CAMKMT: variants seen among roughly 807,000 people sequenced by gnomAD.
The protein encoded by CAMKMT is calmodulin-lysine N-methyltransferase, also known as CaM KMT.
In CAMKMT, 53 loss-of-function variants were observed where a neutral mutation model predicts 48.0. The ratio of observed to expected loss-of-function variants is 1.10; its 90% CI spans 0.89 to 1.39. The LOEUF is 1.39. Ranked by LOEUF, CAMKMT falls within the 40% of genes most tolerant of loss-of-function variation. CAMKMT has a pLI of 0.00. For missense variants in CAMKMT, 428 were observed against 402.7 expected (o/e 1.06, Z -0.54); for synonymous variants, 165 against 152.3 (o/e 1.08, Z -0.61).
chr2:44,654,276 T>C (rs1674247423), intron 3 of CAMKMT, among the ~76,000 whole-genome samples: 3 of 152,214 alleles, frequency 2.0e-5, no homozygotes, highest in Admixed American at 2.0e-4. Context: ...TAGAATTATA[T>C]AATTCATGAA....
chr2:44,388,015 G>T (rs1397384339), intron 2 of CAMKMT, among the ~76,000 whole-genome samples: 1 of 152,132 alleles, frequency 6.6e-6, no homozygotes, highest in Non-Finnish European at 1.5e-5. Context: ...CCTGGGTGAT[G>T]ATCCTTTTGT....
chr2:44,511,566 G>T (rs1670556335), intron 3 of CAMKMT, among the ~76,000 whole-genome samples: 1 of 152,222 alleles, frequency 6.6e-6, no homozygotes, highest in African/African-American at 2.4e-5. Flanking sequence ...TGGGATTACA[G>T]ATATGAGCCA....
intron 2 of CAMKMT, among the ~76,000 whole-genome samples, chr2:44,388,800 A>G (rs1164041585): frequency 2.0e-5 from 3 of 152,008 alleles, no homozygotes; most frequent in African/African-American, 4.8e-5. Flanking sequence ...CAGTGAGTCT[A>G]CCTGGCCCTG....
In CAMKMT at chr2:44,603,027, C is replaced by G. The variant is rs185848664; in HGVS notation, c.377-101256C>G. Among the ~76,000 whole-genome samples, 9 of 151,790 alleles carry G rather than the reference C, an allele frequency of 5.9e-5. No individual in the cohort carries two copies. The East Asian group carries it at 1.5e-3, about 26-fold the overall frequency. Reference sequence around the variant, plus strand: ...CAGAGTTCAGTATGTGCTTATGTACCCAACCTATATATACACACACACACA... The same window carrying G: ...CAGAGTTCAGTATGTGCTTATGTACGCAACCTATATATACACACACACACA... On this transcript the variant is annotated intron_variant, in intron 3 of 10. Coordinates refer to ENST00000378494, the MANE Select transcript of CAMKMT (RefSeq NM_024766.5).
At chr2:44,511,425 A>G (rs1670545720) in intron 3 of CAMKMT, among the ~76,000 whole-genome samples, 2 of 152,134 alleles carry the variant, frequency 1.3e-5, no homozygotes, top group African/African-American at 4.8e-5. Flanking sequence ...AGTAGCTGGG[A>G]CTACAGGTGT....
chr2:44,725,150 G>GTGTGTGTA (rs1163818150), intron 7 of CAMKMT, among the ~76,000 whole-genome samples: 27 of 147,074 alleles, frequency 1.8e-4, no homozygotes, highest in African/African-American at 7.2e-4. Context: ...GGACGTGTGT[G>GTGTGTGTA]TGTGTGTGTG....
chr2:44,440,828 T>A (rs1383459522), intron 3 of CAMKMT, among the ~76,000 whole-genome samples: 1 of 143,520 alleles, frequency 7.0e-6, no homozygotes, highest in Admixed American at 6.7e-5. Context: ...TATCCCTTAT[T>A]TTTTTTATTA....
At chr2:44,418,192 CA>C (rs70965353) in intron 3 of CAMKMT, among the ~76,000 whole-genome samples, 147 of 118,820 alleles carry the variant, frequency 1.2e-3, no homozygotes, top group Middle Eastern at 4.4e-3. Flanking sequence ...AACTCTGTCT[CA>C]AAAAAAAAAA....
intron 3 of CAMKMT, among the ~76,000 whole-genome samples, chr2:44,399,798 A>T (rs191016565): frequency 2.2e-3 from 329 of 152,270 alleles, no homozygotes; most frequent in Non-Finnish European, 3.8e-3. Context: ...GACTGGAAGA[A>T]GAAGAGACAG....
chr2:44,685,981 G>A (rs1676311477), intron 3 of CAMKMT, among the ~76,000 whole-genome samples: 1 of 151,982 alleles, frequency 6.6e-6, no homozygotes. Context: ...TAAGAAGATG[G>A]AATAAAATTA....
intron 3 of CAMKMT, among the ~76,000 whole-genome samples, chr2:44,688,837 C>T (rs190926139): frequency 1.1e-4 from 16 of 152,322 alleles, no homozygotes; most frequent in Middle Eastern, 3.4e-3. Flanking sequence ...TGCTGCCTAA[C>T]AGCCTGATAC....
intron 7 of CAMKMT, among the ~76,000 whole-genome samples, 191 bp from the exon 8 acceptor site, chr2:44,743,428 ATTC>A (rs1229723190): frequency 1.3e-5 from 2 of 152,182 alleles, no homozygotes; most frequent in African/African-American, 2.4e-5. Flanking sequence ...TAAGTAGAGA[ATTC>A]TTCTTCTAGA....
At chr2:44,611,652 C>T (rs1024410454) in intron 3 of CAMKMT, among the ~76,000 whole-genome samples, 12 of 151,866 alleles carry the variant, frequency 7.9e-5, no homozygotes, top group Non-Finnish European at 1.5e-4. Flanking sequence ...GCCATTTTTG[C>T]ACTTCTATAA....
intron 8 of CAMKMT, among the ~76,000 whole-genome samples, chr2:44,746,958 C>T (rs910451483): frequency 2.6e-5 from 4 of 152,176 alleles, no homozygotes; most frequent in Non-Finnish European, 5.9e-5. Context: ...AGTGTTTGAA[C>T]GGCCCTCCAG....
chr2:44,482,502 A>G (rs987293010), intron 3 of CAMKMT, among the ~76,000 whole-genome samples: 3 of 152,194 alleles, frequency 2.0e-5, no homozygotes, highest in African/African-American at 7.2e-5. Context: ...CCTGGGTACT[A>G]CATAAATAAG....
At chr2:44,615,449 G>A (rs1378495800) in intron 3 of CAMKMT, among the ~76,000 whole-genome samples, 3 of 152,048 alleles carry the variant, frequency 2.0e-5, no homozygotes, top group African/African-American at 4.8e-5. Flanking sequence ...GATTTAGAAG[G>A]AAAAAAATTA....
chr2:44,642,582 G>C lies in CAMKMT; in HGVS notation c.377-61701G>C, dbSNP rs138700622. 5.9e-3 allele frequency among the ~76,000 whole-genome samples: 901 copies of C among 152,320 alleles called. 10 individuals carry two copies. Among genetic ancestry groups the C allele is most frequent in the African/African-American group, 0.02 (850 of 41,570 alleles). ...TTCTGCTTCTCTGCATTGTGTGTCT[G>C]TGATTATGTGTGTGACTTTATGAGA... On this transcript the variant is annotated intron_variant, in intron 3 of 10. Coordinates refer to ENST00000378494, the MANE Select transcript of CAMKMT (RefSeq NM_024766.5).
intron 3 of CAMKMT, among the ~76,000 whole-genome samples, chr2:44,395,316 A>G (rs991133353): frequency 8.5e-5 from 13 of 152,184 alleles, no homozygotes; most frequent in African/African-American, 3.1e-4. Context: ...GCATGTGTGT[A>G]TACATATGCA....
chr2:44,547,388 G>A lies in CAMKMT; in HGVS notation c.377-156895G>A, dbSNP rs556160846. 6.8e-4 allele frequency among the ~76,000 whole-genome samples: 103 copies of A among 152,292 alleles called. 1 individual carries two copies. The highest frequency in any genetic ancestry group is 2.4e-3 in the African/African-American group (99 of 41,566). The stretch of plus-strand genomic sequence containing the variant: ...AAAAATGTTAGATGATGCTGACGTG[G>A]TGGTGCATGCCTGTGGGGCTACTCC... On this transcript the variant is annotated intron_variant, in intron 3 of 10. Transcript: ENST00000378494.
Sources: allele counts gnomAD v4.1 joint callset (sites outside exome capture counted in the v4.1 genomes callset), GRCh38; gene constraint gnomAD v4.1.1; transcripts MANE v1.5; gene names NCBI Gene and HGNC (gene_info 2026-07-23, HGNC 2026-07-21).